SIM1: variants seen among roughly 807,000 people sequenced by gnomAD.
SIM1 encodes the protein single-minded homolog 1.
SIM1 carries 18 observed loss-of-function variants against 78.2 expected under a neutral mutation model. The ratio of observed to expected loss-of-function variants is 0.23; its 90% CI spans 0.16 to 0.34. The LOEUF is 0.34. SIM1 is among the 10% of genes least tolerant of loss of function. The probability of loss-of-function intolerance (pLI) is 1.00; values close to 1 mark genes in which losing one functional copy is unlikely to be tolerated. For missense variants in SIM1, 939 were observed against 975.1 expected, an observed-to-expected ratio of 0.96 and a Z score of 0.49; for synonymous variants, 417 against 385.2, an observed-to-expected ratio of 1.08 and a Z score of -0.97.
rs1772954720 is a variant in SIM1, at chr6:100,464,921, T to G, written c.-775A>C. On this transcript the variant is annotated 5_prime_UTR_variant, in exon 1 of 12. Transcript: ENST00000369208. ...TGCCCCCCGTAACTTCTTTATAGCT[T>G]AAGGGTTTAGCTTCAACTTCACTCC... 1 of 152,252 alleles carries G rather than the reference T, an allele frequency of 6.6e-6. No homozygotes were observed. Among genetic ancestry groups the G allele is most frequent in the African/African-American group, 2.4e-5 (1 of 41,428 alleles). 9.4% of individuals were successfully genotyped at this position (152,252 alleles called of 1,614,324 possible).
At chr6:100,397,893 C>A (rs1056784708) in intron 10 of SIM1, among the ~76,000 whole-genome samples, 7 of 151,906 alleles carry the variant, frequency 4.6e-5, no homozygotes, top group African/African-American at 1.5e-4. Context: ...ATACAGATGG[C>A]AAATAATCAT....
rs574062074 is a variant in SIM1, at chr6:100,453,173, G to A, written c.258+589C>T. 5.9e-5 allele frequency among the ~76,000 whole-genome samples: 9 copies of A among 152,314 alleles called. No individual in the cohort carries two copies. The South Asian group carries it at 1.9e-3, about 32-fold the overall frequency. On this transcript the variant is annotated intron_variant, in intron 3 of 11. Transcript: ENST00000369208. ...ACAAGGTAATGGGAGCCTAGCATTG[G>A]TTAAACTCATTATCTGGGGGTGTGT...
chr6:100,448,074 T>C (rs1264392768), intron 8 of SIM1, 72 bp downstream of exon 8: 17 of 1,261,194 alleles, frequency 1.3e-5, no homozygotes, highest in Non-Finnish European at 1.9e-5. Flanking sequence ...GGGATTTAAA[T>C]CGTGGCTCCC....
chr6:100,453,836 C>G lies in SIM1; in HGVS notation c.184G>C (p.Glu62Gln), dbSNP rs201038781. The G allele has an allele frequency of 1.2e-5, 19 of 1,611,184 alleles. No homozygotes were observed. The highest frequency in any genetic ancestry group is 2.7e-5 in the African/African-American group (2 of 74,670). The change falls in exon 3 of 12, where the codon GAG (glutamate) becomes CAG (glutamine). Residue 62 changes from glutamate (E) to glutamine (Q), a missense_variant. Physicochemically the swap from Glu to Gln is conservative, Grantham distance 29 (BLOSUM62 2). Coordinates refer to ENST00000369208, the MANE Select transcript of SIM1 (RefSeq NM_005068.3). Reference protein sequence around the residue: ...MRVVFPEGLGEAWGHSSRTSP... With the variant: ...MRVVFPEGLGQAWGHSSRTSP... ...GTCCGACTTGAGTGGCCCCACGCCT[C>G]GCCGAGCCCTGTGGAGACACAGAAG...
chr6:100,393,268 T>A (rs1770685287), intron 11 of SIM1, among the ~76,000 whole-genome samples: 1 of 152,226 alleles, frequency 6.6e-6, no homozygotes, highest in Non-Finnish European at 1.5e-5. Context: ...CTTTCTGATG[T>A]TTAATATAGG....
chr6:100,439,111 A>G (rs1023780990), intron 9 of SIM1, among the ~76,000 whole-genome samples: 1 of 152,048 alleles, frequency 6.6e-6, no homozygotes, highest in Non-Finnish European at 1.5e-5. Flanking sequence ...ATTGAAATTT[A>G]AAAAAAAGAA....
At chr6:100,421,846 A>G (rs1202961380) in intron 9 of SIM1, among the ~76,000 whole-genome samples, 1 of 152,118 alleles carries the variant, frequency 6.6e-6, no homozygotes, top group Non-Finnish European at 1.5e-5. Context: ...CAGCCAAAAT[A>G]AAATGTTTTA....
chr6:100,433,202 C>T (rs536921412), intron 9 of SIM1, among the ~76,000 whole-genome samples: 14 of 152,294 alleles, frequency 9.2e-5, no homozygotes, highest in African/African-American at 2.2e-4. Context: ...ATGTCATGCC[C>T]GTGTGCAGAA....
At chr6:100,437,094 C>T (rs1772074106) in intron 9 of SIM1, among the ~76,000 whole-genome samples, 2 of 152,116 alleles carry the variant, frequency 1.3e-5, no homozygotes, top group Admixed American at 1.3e-4. Context: ...TGTCCATAGT[C>T]ACTGGGCTAA....
At chr6:100,455,507 C>G (rs1772623045) in intron 2 of SIM1, among the ~76,000 whole-genome samples, 1 of 152,214 alleles carries the variant, frequency 6.6e-6, no homozygotes, top group Non-Finnish European at 1.5e-5. Flanking sequence ...ACGACCTGCT[C>G]TTCTCTTTCT....
At chr6:100,448,348 C>T (rs1772416684) in intron 7 of SIM1, 96 bp from the exon 8 acceptor site, 2 of 1,352,222 alleles carry the variant, frequency 1.5e-6, no homozygotes. Context: ...TAGCTGTCCG[C>T]CCTCACTTTC....
chr6:100,398,497 T>C (rs900370015), intron 10 of SIM1, among the ~76,000 whole-genome samples: 12 of 152,152 alleles, frequency 7.9e-5, no homozygotes, highest in African/African-American at 2.9e-4. Flanking sequence ...CTTTGACTAT[T>C]TTAGGTACCT....
chr6:100,421,226 A>G (rs367716435), intron 9 of SIM1, among the ~76,000 whole-genome samples: 216 of 152,206 alleles, frequency 1.4e-3, no homozygotes, highest in African/African-American at 4.5e-3. Flanking sequence ...CTCTTTGATG[A>G]GATATGAATT....
At chr6:100,403,492 G>A (rs1031085291) in intron 10 of SIM1, among the ~76,000 whole-genome samples, 2 of 152,186 alleles carry the variant, frequency 1.3e-5, no homozygotes, top group Middle Eastern at 3.2e-3. Context: ...GCTTTGCAAG[G>A]CGGCATGCCA....
At chr6:100,460,510 G>C (rs952366440) in intron 2 of SIM1, among the ~76,000 whole-genome samples, 23 of 152,148 alleles carry the variant, frequency 1.5e-4, no homozygotes, top group African/African-American at 5.6e-4. Context: ...TATATTACCT[G>C]TGATAAGACA....
At position 100,420,870 on chromosome 6, in the gene SIM1, T is replaced by TG; in HGVS notation, c.1086dup (p.Thr363HisfsTer4). ...GCCCCCTTTCTGTTGTCAGTCATGG[T>TG]GGGGGTGGAGCTGCTGGTATAGGAG... On this transcript the variant is annotated frameshift_variant, in exon 10 of 12. Coordinates refer to ENST00000369208, the MANE Select transcript of SIM1 (RefSeq NM_005068.3). LOFTEE classifies it high-confidence loss of function. The TG allele has an allele frequency of 6.2e-7, 1 of 1,613,966 alleles. No individual in the cohort carries two copies. The highest frequency in any genetic ancestry group is 8.5e-7 in the Non-Finnish European group (1 of 1,179,968).
chr6:100,423,286 C>T (rs185542713), intron 9 of SIM1, among the ~76,000 whole-genome samples: 3 of 152,324 alleles, frequency 2.0e-5, no homozygotes, highest in Admixed American at 2.0e-4. Context: ...TCTTCTTAAC[C>T]TGTAAAACTC....
At position 100,463,524 on chromosome 6, in the gene SIM1, C is replaced by T; in HGVS notation, c.-56G>A. ...TTAAGCTCCGCAGATTCATCCAAAA[C>T]CAAAAATAAACTTTCAATTAGAGAT... On this transcript the variant is annotated 5_prime_UTR_variant, in exon 2 of 12. Transcript: ENST00000369208. 1 of 1,494,532 alleles carries T rather than the reference C, an allele frequency of 6.7e-7. No individual in the cohort carries two copies. The allele number at this position is 1,494,532 out of a possible 1,614,324, so 92.6% of individuals were successfully genotyped here. A position where few individuals can be genotyped will look rare whatever the true frequency, so the allele number is the denominator to read the frequency against.
intron 10 of SIM1, among the ~76,000 whole-genome samples, chr6:100,403,003 T>C (rs1770964382): frequency 6.6e-6 from 1 of 152,240 alleles, no homozygotes. Flanking sequence ...ATTCCTTTAT[T>C]TTCATTAGAT....
Sources: allele counts gnomAD v4.1 joint callset (sites outside exome capture counted in the v4.1 genomes callset), GRCh38; gene constraint gnomAD v4.1.1; transcripts MANE v1.5; gene names NCBI Gene and HGNC (gene_info 2026-07-23, HGNC 2026-07-21).